IL5: variants seen among roughly 807,000 people sequenced by gnomAD.
IL5 encodes the protein interleukin 5.
IL5 carries 12 observed loss-of-function variants against 16.3 expected under a neutral mutation model. The observed-to-expected ratio is 0.74, with a 90% CI of 0.47 to 1.20. The LOEUF (loss-of-function observed/expected upper bound fraction) is 1.20. Ranked by LOEUF, IL5 falls within the 50% of genes most tolerant of loss-of-function variation. IL5 has a pLI of 0.00. For synonymous variants in IL5, 54 were observed against 56.6 expected, an observed-to-expected ratio of 0.95 and a Z score of 0.21; for missense variants, 159 against 153.9, an observed-to-expected ratio of 1.03 and a Z score of -0.17.
At chr5:132,552,910 A>G (rs1194398816) in intron 1 of IL5, among the ~76,000 whole-genome samples, 3 of 151,990 alleles carry the variant, frequency 2.0e-5, no homozygotes, top group African/African-American at 4.8e-5. Flanking sequence ...AATTTTTTGC[A>G]TTTTTAGTAG....
At chr5:132,550,513 G>A (rs111789224) in intron 1 of IL5, among the ~76,000 whole-genome samples, 2,275 of 152,094 alleles carry the variant, frequency 0.015, 68 homozygotes, top group African/African-American at 0.052. Flanking sequence ...TAGTAGAGAC[G>A]GGGTTTCAAC....
chr5:132,541,739 T>A lies in IL5; in HGVS notation c.*72A>T. ...TGAAAATTAAGGCCTGACTCTTTCT[T>A]GGCCCTCATTCTCACTGCAGTAAAA... On this transcript the variant is annotated 3_prime_UTR_variant, in exon 4 of 4. Transcript: ENST00000231454. 1.1e-6 allele frequency: 1 copy of A among 900,212 alleles called. No individual in the cohort carries two copies. 55.8% of individuals were successfully genotyped at this position (900,212 alleles called of 1,614,324 possible).
upstream of IL5, chr5:132,543,593 T>C: frequency 9.7e-7 from 1 of 1,033,002 alleles, no homozygotes. Context: ...AACAATCAGA[T>C]AGAGAATGCC....
At chr5:132,556,600 T>C in intron 1 of IL5, 1 of 970,144 alleles carries the variant, frequency 1.0e-6, no homozygotes, top group South Asian at 2.1e-5. Context: ...TGTTATGTGA[T>C]CACTGGAAAT....
rs1197040413 is a variant in IL5, at chr5:132,541,636, A to G, written c.*175T>C. ...TCAATGATTCTGATATCTGAAATAT[A>G]TTTTAAGAATTTTATGCTTTCTGGC... On this transcript the variant is annotated 3_prime_UTR_variant, in exon 4 of 4. Coordinates refer to ENST00000231454, the MANE Select transcript of IL5 (RefSeq NM_000879.3). The G allele has an allele frequency of 2.0e-6, 1 of 491,424 alleles. No individual in the cohort carries two copies. The highest frequency in any genetic ancestry group is 2.0e-5 in the African/African-American group (1 of 50,378). The allele number at this position is 491,424 out of a possible 1,614,324, so 30.4% of individuals were successfully genotyped here.
intron 1 of IL5, among the ~76,000 whole-genome samples, chr5:132,551,182 G>T (rs761574646): frequency 5.9e-5 from 9 of 152,090 alleles, no homozygotes; most frequent in Non-Finnish European, 1.2e-4. Flanking sequence ...AAAAAGCACA[G>T]GAATAAGACA....
At position 132,542,083 on chromosome 5, in the gene IL5, G is replaced by A. The variant is rs1289529919; in HGVS notation, c.238C>T (p.Gln80Ter). ...AATAGTCTTTCCACAGTACCCCCTT[G>A]CACAGTTTGACTCTCCAGTGTGCCT... is the stretch of plus-strand genomic sequence containing the variant. ...GIGTLESQTV[Q>*]GGTVERLFKN... Residue 80 changes from glutamine to a stop codon, truncating the protein, a stop_gained, in exon 3 of 4, where the codon CAA becomes TAA. Transcript: ENST00000231454. LOFTEE classifies it high-confidence loss of function. 2 of 1,613,196 alleles carry A rather than the reference G, an allele frequency of 1.2e-6. No homozygotes were observed. The highest frequency in any genetic ancestry group is 1.7e-6 in the Non-Finnish European group (2 of 1,179,362).
chr5:132,546,928 A>G (rs900701356), upstream of IL5, among the ~76,000 whole-genome samples: 9 of 152,204 alleles, frequency 5.9e-5, no homozygotes, highest in African/African-American at 2.2e-4. Context: ...CAGGAGGCTG[A>G]GGCAGGAGAA....
upstream of IL5, among the ~76,000 whole-genome samples, chr5:132,545,609 G>A (rs113248410): frequency 2.2e-3 from 329 of 152,278 alleles, 3 homozygotes; most frequent in African/African-American, 7.0e-3. Flanking sequence ...AAATGGGCAG[G>A]GTGTAATACA....
Position 132,553,186 on chromosome 5 carries a change from T to A in IL5, c.42+3488A>T, listed in dbSNP as rs190206710. ...TTTTAAAATCTACAATAGTCTTTGC[T>A]TTAATGATAATGATCTCCTGAGAGC... is the stretch of plus-strand genomic sequence containing the variant. On this transcript the variant is annotated intron_variant, in intron 1 of 2. Coordinates refer to the IL5 transcript ENST00000450655. Among the ~76,000 whole-genome samples the A allele has an allele frequency of 3.4e-3, 512 of 152,338 alleles. 4 individuals are homozygous for A. Among genetic ancestry groups the A allele is most frequent in the African/African-American group, 0.012 (480 of 41,590 alleles).
At chr5:132,545,074 C>T (rs1464349705), upstream of IL5, among the ~76,000 whole-genome samples, 1 of 152,144 alleles carries the variant, frequency 6.6e-6, no homozygotes, top group Non-Finnish European at 1.5e-5. Context: ...CTTGAGACTG[C>T]AGAAGTTTGG....
chr5:132,551,245 T>C (rs1264384002), intron 1 of IL5, among the ~76,000 whole-genome samples: 1 of 152,232 alleles, frequency 6.6e-6, no homozygotes, highest in African/African-American at 2.4e-5. Context: ...GAAAGTCATT[T>C]ATTAAAAGGC....
chr5:132,547,433 A>C (rs1749811794), upstream of IL5, among the ~76,000 whole-genome samples: 1 of 152,236 alleles, frequency 6.6e-6, no homozygotes, highest in Admixed American at 6.5e-5. Flanking sequence ...ATGGAAAGAC[A>C]AAATGCCTGA....
At chr5:132,550,219 T>A (rs566923626) in intron 1 of IL5, among the ~76,000 whole-genome samples, 1 of 152,326 alleles carries the variant, frequency 6.6e-6, no homozygotes, top group African/African-American at 2.4e-5. Flanking sequence ...CTGTGTAAAA[T>A]TTTAAAAATT....
chr5:132,543,647 A>G (rs772540225), upstream of IL5: 101 of 462,294 alleles, frequency 2.2e-4, no homozygotes, highest in Non-Finnish European at 3.1e-4. Context: ...AATGCCTTAT[A>G]TCTTAAAAAA....
At chr5:132,554,372 A>C (rs926156988) in intron 1 of IL5, among the ~76,000 whole-genome samples, 1 of 151,106 alleles carries the variant, frequency 6.6e-6, no homozygotes, top group Non-Finnish European at 1.5e-5. Context: ...ATCTCAAAAA[A>C]AAAAAAAAAA....
upstream of IL5, chr5:132,544,014 G>A (rs1461207393): frequency 1.3e-5 from 2 of 152,308 alleles, no homozygotes; most frequent in African/African-American, 4.8e-5. Context: ...GTTCACTGGG[G>A]TCTTGATTAG....
At chr5:132,548,585 C>T (rs1749831990) in intron 1 of IL5, among the ~76,000 whole-genome samples, 2 of 152,196 alleles carry the variant, frequency 1.3e-5, no homozygotes, top group African/African-American at 4.8e-5. Context: ...TGCACAATCT[C>T]TCACATCCCA....
chr5:132,543,364 T>C lies in IL5; in HGVS notation c.115A>G (p.Thr39Ala), dbSNP rs1749731875. Residue 39 changes from threonine (T) to alanine (A), a missense_variant, in exon 1 of 4, where the codon ACT (threonine) becomes GCT (alanine). Transcript: ENST00000231454. ...TTGGCTATCAGCAGAGTTCGATGAG[T>C]AGAAAGCAGTGCCAAGGTCTCTTTC... ...LVKETLALLS[T>A]HRTLLIANET... 1.2e-6 allele frequency: 2 copies of C among 1,614,026 alleles called. No individual in the cohort carries two copies. The highest frequency in any genetic ancestry group is 2.2e-5 in the East Asian group (1 of 44,900).
Sources: allele counts gnomAD v4.1 joint callset (sites outside exome capture counted in the v4.1 genomes callset), GRCh38; gene constraint gnomAD v4.1.1; transcripts MANE v1.5; gene names NCBI Gene and HGNC (gene_info 2026-07-23, HGNC 2026-07-21).